ZNF532: variants seen among roughly 807,000 people sequenced by gnomAD.
ZNF532 encodes the protein zinc finger protein 532.
In ZNF532, 22 loss-of-function variants were observed where a neutral mutation model predicts 89.3. The ratio of observed to expected loss-of-function variants is 0.25; its 90% confidence interval spans 0.18 to 0.35. The LOEUF (loss-of-function observed/expected upper bound fraction) is 0.35, where lower values mean the gene tolerates loss of function less well. Ranked by LOEUF, ZNF532 falls within the 10% of genes least tolerant of loss-of-function variation. ZNF532 has a pLI of 1.00. For missense variants in ZNF532, 1,132 were observed against 1,643.4 expected (o/e 0.69, Z 5.38); for synonymous variants, 606 against 649.6 (o/e 0.93, Z 1.02).
chr18:58,941,013 A>G (rs1214580977), intron 5 of ZNF532, among the ~76,000 whole-genome samples: 3 of 144,316 alleles, frequency 2.1e-5, no homozygotes, highest in Non-Finnish European at 4.5e-5. Flanking sequence ...TGAAACATTT[A>G]GTTTTGGGGA....
intron 5 of ZNF532, among the ~76,000 whole-genome samples, chr18:58,947,165 C>G: frequency 6.6e-6 from 1 of 152,202 alleles, no homozygotes; most frequent in East Asian, 1.9e-4. Flanking sequence ...CTCCTATGTG[C>G]CAGGGTGACC....
intron 7 of ZNF532, among the ~76,000 whole-genome samples, chr18:58,962,663 C>T (rs143735034): frequency 1.3e-5 from 2 of 150,916 alleles, no homozygotes; most frequent in African/African-American, 4.9e-5. Context: ...AGTACAGTGA[C>T]GCCATCTCGA....
chr18:58,898,789 C>G (rs2059410130), intron 2 of ZNF532, among the ~76,000 whole-genome samples: 1 of 152,246 alleles, frequency 6.6e-6, no homozygotes, highest in South Asian at 2.1e-4. Flanking sequence ...GGGAGCCTGT[C>G]CTGCCTAGAC....
At chr18:58,922,313 A>G (rs551611581) in intron 3 of ZNF532, among the ~76,000 whole-genome samples, 50 of 152,280 alleles carry the variant, frequency 3.3e-4, no homozygotes, top group African/African-American at 1.2e-3. Flanking sequence ...TCCTCAGGGT[A>G]ATTACTGGTT....
chr18:58,889,970 C>T (rs2058765697), intron 2 of ZNF532, among the ~76,000 whole-genome samples: 1 of 151,770 alleles, frequency 6.6e-6, no homozygotes, highest in Admixed American at 6.6e-5. Flanking sequence ...ATAGTCCCAG[C>T]TACTCAGGAG....
intron 7 of ZNF532, among the ~76,000 whole-genome samples, chr18:58,973,536 C>T (rs895301910): frequency 3.9e-5 from 6 of 152,194 alleles, no homozygotes; most frequent in African/African-American, 9.7e-5. Context: ...GATGGCGGAA[C>T]GGTGGCAGTT....
chr18:58,971,596 G>A (rs1189513663), intron 7 of ZNF532, among the ~76,000 whole-genome samples: 1 of 152,188 alleles, frequency 6.6e-6, no homozygotes, highest in African/African-American at 2.4e-5. Flanking sequence ...TGGCCATTTA[G>A]AGAAAAAGTT....
chr18:58,953,367 T>C, intron 6 of ZNF532, 151 bp from the exon 7 acceptor site: 1 of 678,472 alleles, frequency 1.5e-6, no homozygotes, highest in South Asian at 2.4e-5. Context: ...GAAATGTATA[T>C]TTAGCTTAGG....
chr18:58,878,293 C>G (rs977674990), intron 2 of ZNF532, among the ~76,000 whole-genome samples: 1 of 151,806 alleles, frequency 6.6e-6, no homozygotes, highest in Admixed American at 6.6e-5. Flanking sequence ...AACCACTGGG[C>G]AGGTAGACCT....
intron 5 of ZNF532, 77 bp downstream of exon 5, chr18:58,939,698 G>A (rs1328536355): frequency 3.4e-5 from 48 of 1,393,346 alleles, no homozygotes; most frequent in Admixed American, 4.5e-5. Flanking sequence ...TCGTTCTATT[G>A]AATAACATTT....
At chr18:58,941,985 TCCTTC>T (rs1175658394) in intron 5 of ZNF532, among the ~76,000 whole-genome samples, 4 of 113,998 alleles carry the variant, frequency 3.5e-5, no homozygotes, top group Admixed American at 9.2e-5. Context: ...CCTCCTTCCC[TCCTTC>T]CCTTCCTTCC....
In ZNF532 at chr18:58,918,354, A is replaced by G; in HGVS notation, c.67A>G (p.Met23Val). 1 of 1,614,220 alleles carries G rather than the reference A, an allele frequency of 6.2e-7. No homozygotes were observed. The highest frequency in any genetic ancestry group is 1.6e-4 in the Middle Eastern group (1 of 6,062). The change falls in exon 3 of 10, where the codon ATG becomes GTG. Residue 23 changes from methionine to valine, a missense_variant. Met to Val is a conservative substitution (Grantham distance 21). Around this residue, in one of 9 missense-constraint regions of ZNF532, gnomAD observed 15 missense variants for 43.6 expected, o/e 0.34. Coordinates refer to ENST00000591808, the MANE Select transcript of ZNF532 (RefSeq NM_001375912.1). ...CCTGGCAGCATTTGACATCCCAGATATGGTCGATCCTAAAGCAGCTATTGA... is the reference window on the plus strand; with the variant it reads ...CCTGGCAGCATTTGACATCCCAGATGTGGTCGATCCTAAAGCAGCTATTGA... ...DLLAAFDIPD[M>V]VDPKAAIESG...
At chr18:58,946,594 T>A (rs1382143529) in intron 5 of ZNF532, among the ~76,000 whole-genome samples, 1 of 152,112 alleles carries the variant, frequency 6.6e-6, no homozygotes, top group African/African-American at 2.4e-5. Flanking sequence ...TAACCACTTA[T>A]TTATACTCTT....
At chr18:58,967,404 C>T (rs985142064) in intron 7 of ZNF532, among the ~76,000 whole-genome samples, 4 of 152,168 alleles carry the variant, frequency 2.6e-5, no homozygotes, top group African/African-American at 4.8e-5. Flanking sequence ...CAGAGCTGCT[C>T]GCAGTTTCCT....
chr18:58,929,464 G>A (rs961613162), intron 3 of ZNF532, among the ~76,000 whole-genome samples: 2 of 152,096 alleles, frequency 1.3e-5, no homozygotes, highest in Non-Finnish European at 2.9e-5. Flanking sequence ...CCTCCCCTCC[G>A]CCGTCTCCCA....
At chr18:58,884,790 T>C (rs1180415697) in intron 2 of ZNF532, among the ~76,000 whole-genome samples, 4 of 152,170 alleles carry the variant, frequency 2.6e-5, no homozygotes, top group Non-Finnish European at 5.9e-5. Context: ...AAAGGCAGTT[T>C]GTATCTAAAC....
chr18:58,975,316 A>G (rs977139878), intron 7 of ZNF532, among the ~76,000 whole-genome samples: 2 of 152,182 alleles, frequency 1.3e-5, no homozygotes, highest in Admixed American at 6.5e-5. Context: ...CAAGGCAGAT[A>G]CCTCGTGGAG....
At chr18:58,904,280 A>C (rs746624748) in intron 2 of ZNF532, among the ~76,000 whole-genome samples, 1 of 151,434 alleles carries the variant, frequency 6.6e-6, no homozygotes, top group Non-Finnish European at 1.5e-5. Context: ...TGAGCCTGGG[A>C]GGGGGAGGCT....
Position 58,948,115 on chromosome 18 carries a change from C to A in ZNF532, c.2754C>A (p.Thr918=). The change falls in exon 6 of 10, where the codon ACC becomes ACA. Residue 918 remains threonine (T), a synonymous_variant. Coordinates refer to ENST00000591808, the MANE Select transcript of ZNF532 (RefSeq NM_001375912.1). ...GCGACACTGTGTTCACCCTGCAAAC[C>A]TTGCTGTATCGCCACTTTGACCAAC... ...SMCDTVFTLQ[T]LLYRHFDQHI... 2 of 1,613,806 alleles carry A rather than the reference C, an allele frequency of 1.2e-6. No homozygotes were observed. The highest frequency in any genetic ancestry group is 1.7e-6 in the Non-Finnish European group (2 of 1,179,824).
Sources: gnomAD v4.1 joint callset for allele counts (sites outside exome capture counted in the v4.1 genomes callset) on GRCh38, gnomAD v4.1.1 for gene constraint, gnomAD v4.1.1 regional missense constraint, MANE v1.5 for transcripts, NCBI Gene and HGNC (gene_info 2026-07-23, HGNC 2026-07-21) for gene names.